The following COL9A1 variants were observed in gnomAD, a reference collection of about 807,000 sequenced individuals.
COL9A1 encodes the protein collagen alpha-1(IX) chain.
COL9A1 carries 104 observed loss-of-function variants against 142.6 expected under a neutral mutation model. The ratio of observed to expected loss-of-function variants is 0.73; its 90% CI spans 0.62 to 0.86. The LOEUF is 0.86. Among genes scored for constraint, COL9A1 ranks in the 40% least tolerant of loss-of-function variants. COL9A1 has a pLI of 0.00. For missense variants in COL9A1, 1,210 were observed against 1,176.6 expected, an observed-to-expected ratio of 1.03 and a Z score of -0.42; for synonymous variants, 466 against 396.0, an observed-to-expected ratio of 1.18 and a Z score of -2.10.
At chr6:70,249,572 A>T (rs540934769) in intron 28 of COL9A1, among the ~76,000 whole-genome samples, 22 of 152,302 alleles carry the variant, frequency 1.4e-4, no homozygotes, top group Non-Finnish European at 2.9e-4. Flanking sequence ...GATCTTGAAA[A>T]GAGGACAGAA....
rs755372763 is a variant in COL9A1, at chr6:70,281,403, A to G, written c.863T>C (p.Ile288Thr). ...ATAGAAACTTACGTCGATGCCATCG[A>G]TGCCTGGAACTCCAGGGGGGCCCGG... ...GPPGPPGVPGIDGIDGDRGPK... is the reference protein window; with the variant it reads ...GPPGPPGVPGTDGIDGDRGPK... The change falls in exon 8 of 38, where the codon ATC becomes ACC. Residue 288 changes from isoleucine to threonine, a missense_variant. By Grantham distance (89) the Ile-to-Thr change is moderately conservative. Transcript: ENST00000357250. 1 of 1,611,876 alleles carries G rather than the reference A, an allele frequency of 6.2e-7. No homozygotes were observed. The highest frequency in any genetic ancestry group is 1.3e-5 in the African/African-American group (1 of 74,436).
chr6:70,259,814 G>A (rs531022117), intron 20 of COL9A1, among the ~76,000 whole-genome samples: 1 of 152,264 alleles, frequency 6.6e-6, no homozygotes, highest in Admixed American at 6.5e-5. Flanking sequence ...CCAGCAGCCT[G>A]CGGAGTGCCT....
At chr6:70,263,341 C>G (rs747660971) in intron 18 of COL9A1, 44 bp from the exon 19 acceptor site, 1 of 1,552,904 alleles carries the variant, frequency 6.4e-7, no homozygotes, top group South Asian at 1.2e-5. Flanking sequence ...AAATGTTATT[C>G]TAGCAAACGA....
At chr6:70,235,015 T>C (rs949024498) in intron 33 of COL9A1, 75 bp from the exon 34 acceptor site, 5 of 1,592,014 alleles carry the variant, frequency 3.1e-6, no homozygotes, top group Admixed American at 1.7e-5. Flanking sequence ...ATATAAACAC[T>C]TATATGAAAT....
In COL9A1 at chr6:70,300,289, T is replaced by C. The variant is rs376369283; in HGVS notation, c.166+20A>G. The C allele has an allele frequency of 4.0e-5, 65 of 1,609,914 alleles. No individual in the cohort carries two copies. The African/African-American group carries it at 5.6e-4, about 14-fold the overall frequency. Reference sequence around the variant, plus strand: ...GTTTATAGAAAGCATGCATTTTCAATAGGGTACATTGCTACTCACCTGGTA... The same window carrying C: ...GTTTATAGAAAGCATGCATTTTCAACAGGGTACATTGCTACTCACCTGGTA... On this transcript the variant is annotated intron_variant, in intron 3 of 37. Transcript: ENST00000357250.
intron 25 of COL9A1, 36 bp from the exon 26 acceptor site, chr6:70,253,465 C>T (rs761291471): frequency 4.0e-6 from 6 of 1,492,946 alleles, no homozygotes; most frequent in Non-Finnish European, 4.7e-6. Flanking sequence ...GTTTAATCAC[C>T]TCCTCTGAGA....
rs77858709 is a variant in COL9A1 at position 70,241,176 on chromosome 6, G to C, written c.2034+243C>G. 0.025 allele frequency among the ~76,000 whole-genome samples: 3,812 copies of C among 152,258 alleles called. 161 individuals carry two copies. Among genetic ancestry groups the C allele is most frequent in the African/African-American group, 0.087 (3,616 of 41,524 alleles). ...TTCCGTGAACCAGAGACAGAGCCACGCTCTTCAAAGGAAAGACAGTGTGCA... is the reference window on the plus strand; with the variant it reads ...TTCCGTGAACCAGAGACAGAGCCACCCTCTTCAAAGGAAAGACAGTGTGCA... On this transcript the variant is annotated intron_variant, in intron 31 of 37. Coordinates refer to ENST00000357250, the MANE Select transcript of COL9A1 (RefSeq NM_001851.6).
intron 16 of COL9A1, 119 bp downstream of exon 16, chr6:70,269,514 A>T: frequency 1.3e-6 from 1 of 745,326 alleles, no homozygotes; most frequent in African/African-American, 1.7e-5. Flanking sequence ...CTGCCATTTG[A>T]GTGAAAGGAA....
chr6:70,240,012 A>G (rs1163222975), intron 32 of COL9A1, among the ~76,000 whole-genome samples: 1 of 152,204 alleles, frequency 6.6e-6, no homozygotes, highest in African/African-American at 2.4e-5. Context: ...CCTGCCCTAC[A>G]AGCTCTCTAA....
At chr6:70,258,927 T>C (rs1462238553) in intron 20 of COL9A1, among the ~76,000 whole-genome samples, 2 of 152,116 alleles carry the variant, frequency 1.3e-5, no homozygotes, top group African/African-American at 2.4e-5. Context: ...AAAATGAAGG[T>C]ATCAGCAACT....
intron 5 of COL9A1, 87 bp downstream of exon 5, chr6:70,294,080 C>T: frequency 6.5e-7 from 1 of 1,530,748 alleles, no homozygotes; most frequent in Non-Finnish European, 9.0e-7. Context: ...ATGCTGCACT[C>T]AGCTGATTAT....
At chr6:70,267,552 C>T (rs920037176) in intron 17 of COL9A1, among the ~76,000 whole-genome samples, 1 of 151,728 alleles carries the variant, frequency 6.6e-6, no homozygotes, top group Non-Finnish European at 1.5e-5. Flanking sequence ...GAACTCCCAA[C>T]GTCAGGTGAT....
In COL9A1 at chr6:70,236,972, C is replaced by T. The variant is rs904301909; in HGVS notation, c.2113-2032G>A. ...GAGTAGCTAGGATTACAGGCGTGCG[C>T]CATGACACCTGGCTAACTTTTTGTA... On this transcript the variant is annotated intron_variant, in intron 33 of 37. Coordinates refer to ENST00000357250, the MANE Select transcript of COL9A1 (RefSeq NM_001851.6). Among the ~76,000 whole-genome samples the T allele has an allele frequency of 2.6e-5, 4 of 152,190 alleles. No homozygotes were observed. The South Asian group carries it at 6.2e-4, about 24-fold the overall frequency.
intron 5 of COL9A1, among the ~76,000 whole-genome samples, chr6:70,284,923 CT>C (rs1478095064): frequency 2.6e-5 from 4 of 152,130 alleles, no homozygotes; most frequent in African/African-American, 9.7e-5. Flanking sequence ...ATTTTTTTCA[CT>C]GTTTTGGAAT....
chr6:70,280,752 A>C, intron 10 of COL9A1, 60 bp downstream of exon 10: 1 of 1,528,664 alleles, frequency 6.5e-7, no homozygotes, highest in East Asian at 2.4e-5. Flanking sequence ...CAAAACACAC[A>C]CTTACTCGTA....
At chr6:70,244,407 C>A (rs1298535693) in intron 28 of COL9A1, among the ~76,000 whole-genome samples, 1 of 152,106 alleles carries the variant, frequency 6.6e-6, no homozygotes, top group African/African-American at 2.4e-5. Flanking sequence ...TGGGTTCTAC[C>A]CCATCTTTAC....
Position 70,216,674 on chromosome 6 carries a change from T to G in COL9A1, c.*223A>C. On this transcript the variant is annotated 3_prime_UTR_variant, in exon 38 of 38. Transcript: ENST00000357250. ...GTTTTCTTTTTTTTTTTTTAACTGATGACTCTGCTGTCTTCCCTCCAAGGG... is the reference window on the plus strand; with the variant it reads ...GTTTTCTTTTTTTTTTTTTAACTGAGGACTCTGCTGTCTTCCCTCCAAGGG... 1 of 570,614 alleles carries G rather than the reference T, an allele frequency of 1.8e-6. No homozygotes were observed. The highest frequency in any genetic ancestry group is 3.1e-6 in the Non-Finnish European group (1 of 319,640). The allele number at this position is 570,614 out of a possible 1,614,324, so 35.3% of individuals were successfully genotyped here.
chr6:70,216,615 A>C lies in COL9A1; in HGVS notation c.*282T>G. ...CACACTAAAGCTCAAGATCCTGGGAACAGGAGTATAAATTTATTCAAGGGA... is the reference window on the plus strand; with the variant it reads ...CACACTAAAGCTCAAGATCCTGGGACCAGGAGTATAAATTTATTCAAGGGA... On this transcript the variant is annotated 3_prime_UTR_variant, in exon 38 of 38. Coordinates refer to ENST00000357250, the MANE Select transcript of COL9A1 (RefSeq NM_001851.6). 52 of 453,096 alleles carry C rather than the reference A, an allele frequency of 1.1e-4. No homozygotes were observed. Among genetic ancestry groups the C allele is most frequent in the Non-Finnish European group, 1.4e-4 (34 of 245,092 alleles). 28.1% of individuals were successfully genotyped at this position (453,096 alleles called of 1,614,324 possible).
At chr6:70,242,839 C>T (rs1237138387) in intron 28 of COL9A1, 124 bp from the exon 29 acceptor site, 4 of 814,170 alleles carry the variant, frequency 4.9e-6, no homozygotes, top group Middle Eastern at 2.2e-4. Context: ...GGCCATCCTA[C>T]ATAGTGCCTA....
Sources: allele counts gnomAD v4.1 joint callset (sites outside exome capture counted in the v4.1 genomes callset), GRCh38; gene constraint gnomAD v4.1.1; transcripts MANE v1.5; gene names NCBI Gene and HGNC (gene_info 2026-07-23, HGNC 2026-07-21).